PRKACB: variants seen among roughly 807,000 people sequenced by gnomAD.
PRKACB encodes the protein protein kinase cAMP-activated catalytic subunit beta.
PRKACB carries 16 observed loss-of-function variants against 51.4 expected under a neutral mutation model. The observed-to-expected ratio is 0.31, with a 90% CI of 0.21 to 0.47. The LOEUF (loss-of-function observed/expected upper bound fraction) is 0.47, where lower values mean the gene tolerates loss of function less well. Among genes scored for constraint, PRKACB ranks in the 20% least tolerant of loss-of-function variants. The pLI is 1.00. For synonymous variants in PRKACB, 147 were observed against 154.4 expected (o/e 0.95, Z 0.35); for missense variants, 309 against 464.5 (o/e 0.67, Z 3.08).
At chr1:84,136,071 T>C (rs1317091712) in intron 1 of PRKACB, among the ~76,000 whole-genome samples, 1 of 152,058 alleles carries the variant, frequency 6.6e-6, no homozygotes, top group Non-Finnish European at 1.5e-5. Context: ...TCTTCTTCAC[T>C]GAAGCATCCA....
intron 1 of PRKACB, among the ~76,000 whole-genome samples, chr1:84,101,728 T>C (rs1649365625): frequency 6.6e-6 from 1 of 152,164 alleles, no homozygotes; most frequent in African/African-American, 2.4e-5. Flanking sequence ...CTAGTTACTG[T>C]ATTTGAGCAT....
intron 9 of PRKACB, among the ~76,000 whole-genome samples, chr1:84,226,014 C>A (rs1027647697): frequency 6.6e-6 from 1 of 152,102 alleles, no homozygotes; most frequent in Non-Finnish European, 1.5e-5. Flanking sequence ...AAGCCCTGAC[C>A]TTTATTTTTT....
At chr1:84,172,607 T>C (rs1346211945) in intron 1 of PRKACB, among the ~76,000 whole-genome samples, 1 of 151,854 alleles carries the variant, frequency 6.6e-6, no homozygotes, top group East Asian at 1.9e-4. Context: ...TCAAATAAGT[T>C]AATGTATTTC....
rs1398817958 is a variant in PRKACB, at chr1:84,196,686, A to G, written c.631A>G (p.Ile211Val). Reference protein sequence around the residue: ...TFEYLHSLDLIYRDLKPENLL... With the variant: ...TFEYLHSLDLVYRDLKPENLL... ...CGAGTACCTCCATTCACTAGACCTC[A>G]TCTACAGAGATCTAAAACCTGAAAA... The change falls in exon 6 of 10, where the codon ATC (isoleucine) becomes GTC (valine). Residue 211 changes from isoleucine to valine, a missense_variant. Coordinates refer to ENST00000370685, the MANE Select transcript of PRKACB (RefSeq NM_182948.4). 1.2e-6 allele frequency: 2 copies of G among 1,612,538 alleles called. No individual in the cohort carries two copies. The highest frequency in any genetic ancestry group is 2.2e-5 in the East Asian group (1 of 44,790).
At chr1:84,110,596 C>T (rs908377402) in intron 1 of PRKACB, among the ~76,000 whole-genome samples, 6 of 151,840 alleles carry the variant, frequency 4.0e-5, no homozygotes, top group African/African-American at 7.3e-5. Flanking sequence ...TCCTTCCTGC[C>T]GTGGCAAAAG....
At chr1:84,121,338 T>G (rs1651050188) in intron 1 of PRKACB, among the ~76,000 whole-genome samples, 1 of 152,066 alleles carries the variant, frequency 6.6e-6, no homozygotes, top group South Asian at 2.1e-4. Flanking sequence ...TACATAAATT[T>G]GAAGATGAAA....
At chr1:84,116,203 G>T (rs1225386769) in intron 1 of PRKACB, among the ~76,000 whole-genome samples, 10 of 151,994 alleles carry the variant, frequency 6.6e-5, no homozygotes, top group Non-Finnish European at 1.3e-4. Context: ...GTTCCATTAT[G>T]TGTCTTTTTT....
chr1:84,149,474 C>T (rs372600407), intron 1 of PRKACB, among the ~76,000 whole-genome samples: 1 of 151,982 alleles, frequency 6.6e-6, no homozygotes, highest in African/African-American at 2.4e-5. Flanking sequence ...TTGCCCAGGT[C>T]GATCTTGAAC....
intron 1 of PRKACB, among the ~76,000 whole-genome samples, chr1:84,127,692 T>C (rs1344261861): frequency 6.6e-6 from 1 of 152,174 alleles, no homozygotes; most frequent in Non-Finnish European, 1.5e-5. Flanking sequence ...TAGTTCTTAT[T>C]TTCTGTTGGA....
At chr1:84,156,567 C>T (rs1271339513) in intron 1 of PRKACB, among the ~76,000 whole-genome samples, 1 of 152,118 alleles carries the variant, frequency 6.6e-6, no homozygotes, top group Non-Finnish European at 1.5e-5. Flanking sequence ...TACTTTCAGC[C>T]CATCCCCACA....
chr1:84,120,607 TAAC>T (rs1388960836), intron 1 of PRKACB, among the ~76,000 whole-genome samples: 3 of 152,112 alleles, frequency 2.0e-5, no homozygotes, highest in Non-Finnish European at 2.9e-5. Flanking sequence ...AGGAATTTCT[TAAC>T]AAGTTTAAAA....
At chr1:84,124,392 T>G (rs1272780110) in intron 1 of PRKACB, among the ~76,000 whole-genome samples, 1 of 152,252 alleles carries the variant, frequency 6.6e-6, no homozygotes, top group African/African-American at 2.4e-5. Flanking sequence ...ACATTTTGTA[T>G]TAGTATAACT....
chr1:84,188,084 TAAG>T (rs1270898106), intron 5 of PRKACB, among the ~76,000 whole-genome samples: 1 of 152,020 alleles, frequency 6.6e-6, no homozygotes, highest in Non-Finnish European at 1.5e-5. Flanking sequence ...ATTTTTGAAT[TAAG>T]GAGAAAAAAA....
chr1:84,133,069 C>A (rs1178090600), intron 1 of PRKACB, among the ~76,000 whole-genome samples: 3 of 151,908 alleles, frequency 2.0e-5, no homozygotes, highest in African/African-American at 7.3e-5. Flanking sequence ...GTAAACCGTG[C>A]ACATTATATT....
chr1:84,144,383 C>A lies in PRKACB; in HGVS notation c.22C>A (p.Pro8Thr). 6.2e-7 allele frequency: 1 copy of A among 1,611,480 alleles called. No homozygotes were observed. Among genetic ancestry groups the A allele is most frequent in the East Asian group, 2.2e-5 (1 of 44,676 alleles). The change falls in exon 1 of 10, where the codon CCT becomes ACT. Residue 8 changes from proline (P) to threonine (T), a missense_variant. Physicochemically the swap from Pro to Thr is conservative, Grantham distance 38 (BLOSUM62 -1). Transcript: ENST00000370685. MAAYREP[P>T]CNQYTGTTTA... ...ATGAATGGCAGCTTATAGAGAACCA[C>A]CTTGTAACCAGTATACAGGTACAAC... is the stretch of plus-strand genomic sequence containing the variant.
chr1:84,218,149 G>GAACATTTC (rs1673147781), intron 9 of PRKACB, among the ~76,000 whole-genome samples: 1 of 152,072 alleles, frequency 6.6e-6, no homozygotes, highest in African/African-American at 2.4e-5. Context: ...TTTGTGTTGG[G>GAACATTTC]AACATTTCAA....
chr1:84,122,005 CA>C (rs375287021), intron 1 of PRKACB, among the ~76,000 whole-genome samples: 166 of 152,198 alleles, frequency 1.1e-3, no homozygotes, highest in African/African-American at 3.9e-3. Context: ...TGAGTCCCCC[CA>C]AAACAGTCCC....
chr1:84,193,672 G>A (rs147794249), intron 5 of PRKACB, among the ~76,000 whole-genome samples: 39 of 152,166 alleles, frequency 2.6e-4, no homozygotes, highest in African/African-American at 8.9e-4. Context: ...AGATAAAACT[G>A]GCTTCAGGTT....
intron 9 of PRKACB, among the ~76,000 whole-genome samples, chr1:84,221,967 C>A (rs1221331578): frequency 6.6e-6 from 1 of 151,996 alleles, no homozygotes. Context: ...CAGTTTATGT[C>A]CAATTTTTTT....
Sources: allele counts gnomAD v4.1 joint callset (sites outside exome capture counted in the v4.1 genomes callset), GRCh38; gene constraint gnomAD v4.1.1; transcripts MANE v1.5; gene names NCBI Gene and HGNC (gene_info 2026-07-23, HGNC 2026-07-21).